The following LRP12 variants were observed in gnomAD, a reference collection of about 807,000 sequenced individuals.
LRP12 encodes the protein low-density lipoprotein receptor-related protein 12.
In LRP12, 14 loss-of-function variants were observed where a neutral mutation model predicts 66.0. That is an observed-to-expected ratio of 0.21 (90% CI 0.14 to 0.33). The LOEUF is 0.33. Ranked by LOEUF, LRP12 falls within the 10% of genes least tolerant of loss-of-function variation. LRP12 has a pLI of 1.00. For synonymous variants in LRP12, 357 were observed against 359.1 expected (o/e 0.99, Z 0.07); for missense variants, 889 against 1,053.4 (o/e 0.84, Z 2.16).
intron 2 of LRP12, among the ~76,000 whole-genome samples, chr8:104,531,668 G>A (rs1305405293): frequency 2.6e-5 from 4 of 152,050 alleles, no homozygotes; most frequent in African/African-American, 7.2e-5. Context: ...TTCAATGTTT[G>A]TATGAAAAAA....
intron 1 of LRP12, chr8:104,566,215 A>G: frequency 1.5e-6 from 1 of 682,330 alleles, no homozygotes; most frequent in Non-Finnish European, 2.2e-6. Flanking sequence ...TGCAGCACAT[A>G]GAAAGTATAC....
intron 1 of LRP12, among the ~76,000 whole-genome samples, chr8:104,537,441 T>C (rs1191999020): frequency 2.0e-5 from 3 of 152,138 alleles, no homozygotes; most frequent in Admixed American, 1.3e-4. Flanking sequence ...AAAGCTTAAA[T>C]AAACACTTCC....
At chr8:104,525,397 C>A (rs1024110691) in intron 2 of LRP12, among the ~76,000 whole-genome samples, 5 of 152,002 alleles carry the variant, frequency 3.3e-5, no homozygotes, top group African/African-American at 1.2e-4. Context: ...AAAGATTTAT[C>A]TTTCCTGGCA....
In LRP12 at chr8:104,523,732, C is replaced by A. The variant is rs145954749; in HGVS notation, c.136+8175G>T. Among the ~76,000 whole-genome samples the A allele has an allele frequency of 2.1e-3, 319 of 152,152 alleles. 1 individual carries two copies. Among genetic ancestry groups the A allele is most frequent in the African/African-American group, 6.9e-3 (287 of 41,510 alleles). On this transcript the variant is annotated intron_variant, in intron 2 of 6. Transcript: ENST00000276654. ...TGATGTTGCAAGTGCTCCCAAGAAG[C>A]AAAGGAAAGTCATGACATTACAAGA...
chr8:104,564,544 C>A (rs914011988), intron 1 of LRP12, among the ~76,000 whole-genome samples: 1 of 151,354 alleles, frequency 6.6e-6, no homozygotes, highest in South Asian at 2.1e-4. Context: ...GAGTAGGGGA[C>A]AGGGCAGGGA....
rs1810749009 is a variant in LRP12 at position 104,497,422 on chromosome 8, G to A, written c.1130C>T (p.Pro377Leu). ...ATYQVDGFCL[P>L]WEIPCGGNWG... The stretch of plus-strand genomic sequence containing the variant: ...GTTACCTCCACAGGGTATTTCCCAT[G>A]GCAAACAGAACCCATCTACTTGGTA... The change falls in exon 5 of 7, where the codon CCA becomes CTA. Residue 377 changes from proline (P) to leucine (L), a missense_variant. Coordinates refer to ENST00000276654, the MANE Select transcript of LRP12 (RefSeq NM_013437.5). The surrounding 1 kb of genome is among the most constrained non-coding windows in gnomAD (Gnocchi z 4.3). 6.2e-7 allele frequency: 1 copy of A among 1,613,964 alleles called. No individual in the cohort carries two copies. Among genetic ancestry groups the A allele is most frequent in the Non-Finnish European group, 8.5e-7 (1 of 1,180,010 alleles).
intron 2 of LRP12, among the ~76,000 whole-genome samples, chr8:104,529,004 TAATTA>T (rs1411737627): frequency 6.6e-6 from 1 of 152,234 alleles, no homozygotes; most frequent in African/African-American, 2.4e-5. Flanking sequence ...TAAATATATT[TAATTA>T]AAACACACAT....
Position 104,497,396 on chromosome 8 carries a change from A to C in LRP12, c.1156T>G (p.Trp386Gly), listed in dbSNP as rs1349563736. ...LPWEIPCGGN[W>G]GCYTEQQRCD... ...CGCTGCTGCTCAGTATAACACCCCCAGTTACCTCCACAGGGTATTTCCCAT... is the reference window on the plus strand; with the variant it reads ...CGCTGCTGCTCAGTATAACACCCCCCGTTACCTCCACAGGGTATTTCCCAT... Residue 386 changes from tryptophan (W) to glycine (G), a missense_variant, in exon 5 of 7, where the codon TGG (tryptophan) becomes GGG (glycine). By Grantham distance (184) the Trp-to-Gly change is radical. Transcript: ENST00000276654. This position sits in a 1 kb window ranked among gnomAD's most constrained non-coding sequence, Gnocchi z 4.3. 1.2e-6 allele frequency: 2 copies of C among 1,613,930 alleles called. No individual in the cohort carries two copies. Among genetic ancestry groups the C allele is most frequent in the Non-Finnish European group, 1.7e-6 (2 of 1,179,956 alleles).
At chr8:104,548,241 TACG>T (rs1564141947) in intron 1 of LRP12, among the ~76,000 whole-genome samples, 31 of 100,220 alleles carry the variant, frequency 3.1e-4, no homozygotes, top group Admixed American at 6.1e-4. Flanking sequence ...TATATTAATA[TACG>T]ATATATATTA....
intron 1 of LRP12, among the ~76,000 whole-genome samples, chr8:104,584,796 T>G (rs1250552615): frequency 3.9e-5 from 6 of 152,244 alleles, no homozygotes; most frequent in Admixed American, 6.5e-5. Context: ...ACACATTTTA[T>G]GTAATCAAAC....
At chr8:104,563,940 A>G (rs1034164256) in intron 1 of LRP12, among the ~76,000 whole-genome samples, 6 of 152,192 alleles carry the variant, frequency 3.9e-5, no homozygotes, top group African/African-American at 1.4e-4. Flanking sequence ...CAAAAACACA[A>G]TGATTAGAAT....
At chr8:104,568,521 A>T (rs900824004) in intron 1 of LRP12, among the ~76,000 whole-genome samples, 2 of 152,196 alleles carry the variant, frequency 1.3e-5, no homozygotes, top group African/African-American at 2.4e-5. Flanking sequence ...TGAAAATCAT[A>T]TATCAGATAA....
chr8:104,571,084 G>C (rs1335784681), intron 1 of LRP12, among the ~76,000 whole-genome samples: 2 of 152,182 alleles, frequency 1.3e-5, no homozygotes, highest in African/African-American at 4.8e-5. Context: ...CAAAGATGCA[G>C]AGCAACTGAA....
At chr8:104,552,363 C>CA (rs10638895) in intron 1 of LRP12, among the ~76,000 whole-genome samples, 33 of 149,626 alleles carry the variant, frequency 2.2e-4, no homozygotes, top group African/African-American at 7.8e-4. Context: ...ATAAATATGT[C>CA]TTTTTTTTGT....
rs1810760982 is a variant in LRP12 at position 104,497,870 on chromosome 8, T to C, written c.682A>G (p.Lys228Glu). The C allele has an allele frequency of 1.2e-6, 2 of 1,614,220 alleles. No individual in the cohort carries two copies. The highest frequency in any genetic ancestry group is 1.7e-6 in the Non-Finnish European group (2 of 1,180,042). ...GATTCGGGGAGGCAAGTGTAAACTT[T>C]GGTAAAACGGGATAAACACTGGAAC... Reference protein sequence around the residue: ...NQFQCLSRFTKVYTCLPESLK... With the variant: ...NQFQCLSRFTEVYTCLPESLK... Residue 228 changes from lysine (K) to glutamate (E), a missense_variant, in exon 5 of 7, where the codon AAA becomes GAA. Transcript: ENST00000276654. The surrounding 1 kb of genome is among the most constrained non-coding windows in gnomAD (Gnocchi z 4.3).
chr8:104,500,410 T>C (rs1405586626), intron 3 of LRP12, among the ~76,000 whole-genome samples: 2 of 152,192 alleles, frequency 1.3e-5, no homozygotes, highest in Non-Finnish European at 2.9e-5. Context: ...TTATGAACTA[T>C]GCTTTAAAAA....
At chr8:104,545,600 T>C (rs549351809) in intron 1 of LRP12, among the ~76,000 whole-genome samples, 14 of 152,252 alleles carry the variant, frequency 9.2e-5, no homozygotes, top group East Asian at 1.9e-4. Flanking sequence ...AAGAGAAGAA[T>C]TGTAACTTGT....
intron 2 of LRP12, among the ~76,000 whole-genome samples, chr8:104,513,051 C>G (rs547898925): frequency 1.3e-5 from 2 of 152,060 alleles, no homozygotes; most frequent in Non-Finnish European, 2.9e-5. Flanking sequence ...TCAGATCTAG[C>G]CAGTGGCTTT....
chr8:104,560,505 G>A (rs1230364975), intron 1 of LRP12, among the ~76,000 whole-genome samples: 2 of 152,286 alleles, frequency 1.3e-5, no homozygotes, highest in Admixed American at 6.5e-5. Flanking sequence ...ACCTACCATA[G>A]ATAGTAATGA....
Sources: gnomAD v4.1 joint callset for allele counts (sites outside exome capture counted in the v4.1 genomes callset) on GRCh38, gnomAD v4.1.1 for gene constraint, Gnocchi (gnomAD v3.1) non-coding constraint, MANE v1.5 for transcripts, NCBI Gene and HGNC (gene_info 2026-07-23, HGNC 2026-07-21) for gene names.